Variants in PRKCE observed in about 807,000 individuals in gnomAD.
The protein encoded by PRKCE is protein kinase C epsilon.
A neutral mutation model predicts 85.4 loss-of-function variants in PRKCE; 16 were observed. That is an observed-to-expected ratio of 0.19 (90% CI 0.13 to 0.28). The LOEUF (loss-of-function observed/expected upper bound fraction) is 0.28, where lower values mean the gene tolerates loss of function less well. Among genes scored for constraint, PRKCE ranks in the 10% least tolerant of loss-of-function variants. The probability of loss-of-function intolerance (pLI) is 1.00; values close to 1 mark genes in which losing one functional copy is unlikely to be tolerated. For synonymous variants in PRKCE, 388 were observed against 371.5 expected (o/e 1.04, Z -0.51); for missense variants, 573 against 975.2 (o/e 0.59, Z 5.49).
At chr2:45,770,297 A>T (rs908147032) in intron 1 of PRKCE, among the ~76,000 whole-genome samples, 4 of 152,040 alleles carry the variant, frequency 2.6e-5, no homozygotes, top group African/African-American at 9.7e-5. Flanking sequence ...GTAGGTAAAA[A>T]CCATGCTTCC....
chr2:45,919,713 CCTT>C (rs1454249400), intron 2 of PRKCE, among the ~76,000 whole-genome samples: 1 of 152,200 alleles, frequency 6.6e-6, no homozygotes, highest in Non-Finnish European at 1.5e-5. Context: ...AAAATCTAGG[CCTT>C]CTTTGGCTCT....
chr2:45,668,755 G>A (rs1676026572), intron 1 of PRKCE, among the ~76,000 whole-genome samples: 3 of 152,056 alleles, frequency 2.0e-5, no homozygotes, highest in African/African-American at 7.2e-5. Context: ...AGTCACATTG[G>A]CCCTGCTTAT....
chr2:45,815,315 G>A (rs1026891584), intron 1 of PRKCE, among the ~76,000 whole-genome samples: 4 of 152,206 alleles, frequency 2.6e-5, no homozygotes, highest in African/African-American at 9.6e-5. Flanking sequence ...AAAGCAGTAT[G>A]TTCTTTGAGC....
intron 1 of PRKCE, among the ~76,000 whole-genome samples, chr2:45,832,664 G>A (rs979403789): frequency 1.3e-5 from 2 of 152,122 alleles, no homozygotes; most frequent in East Asian, 3.9e-4. Flanking sequence ...AGCTCACAAC[G>A]TGTTCTTTCT....
chr2:46,007,987 T>C (rs1275286571), intron 9 of PRKCE, among the ~76,000 whole-genome samples: 1 of 152,200 alleles, frequency 6.6e-6, no homozygotes, highest in Non-Finnish European at 1.5e-5. Flanking sequence ...AAATCAATAG[T>C]AGTGTCAATA....
At chr2:45,759,351 A>G (rs1684255696) in intron 1 of PRKCE, among the ~76,000 whole-genome samples, 1 of 152,154 alleles carries the variant, frequency 6.6e-6, no homozygotes, top group Admixed American at 6.5e-5. Flanking sequence ...GAGGCTGGAG[A>G]GGAGCTGACA....
chr2:45,829,822 C>T (rs1008554075), intron 1 of PRKCE, among the ~76,000 whole-genome samples: 9 of 151,944 alleles, frequency 5.9e-5, no homozygotes, highest in Non-Finnish European at 1.0e-4. Flanking sequence ...GCCTGTAATC[C>T]CAGCACTTTG....
intron 11 of PRKCE, among the ~76,000 whole-genome samples, chr2:46,105,860 C>G (rs748101928): frequency 2.0e-5 from 3 of 152,236 alleles, no homozygotes; most frequent in Non-Finnish European, 4.4e-5. Flanking sequence ...TGACTACATA[C>G]TGCATCATTA....
intron 2 of PRKCE, among the ~76,000 whole-genome samples, chr2:45,937,553 A>G (rs367674019): frequency 3.9e-5 from 6 of 152,280 alleles, no homozygotes; most frequent in South Asian, 2.1e-4. Context: ...TCCACTAAAA[A>G]TACAAAAAAA....
At chr2:46,110,024 C>A (rs1316318958) in intron 11 of PRKCE, among the ~76,000 whole-genome samples, 1 of 152,082 alleles carries the variant, frequency 6.6e-6, no homozygotes, top group Non-Finnish European at 1.5e-5. Flanking sequence ...GTTGAACCAG[C>A]CTTGCATACC....
chr2:45,725,011 G>A (rs954558756), intron 1 of PRKCE, among the ~76,000 whole-genome samples: 1 of 152,238 alleles, frequency 6.6e-6, no homozygotes, highest in South Asian at 2.1e-4. Context: ...ATTAGAAGTT[G>A]CTATCTAACA....
chr2:45,943,891 C>T (rs186236961), intron 2 of PRKCE, among the ~76,000 whole-genome samples: 125 of 152,258 alleles, frequency 8.2e-4, no homozygotes, highest in African/African-American at 2.9e-3. Flanking sequence ...AGATCATCAA[C>T]GCAGGATTGT....
chr2:46,068,824 T>C lies in PRKCE; in HGVS notation c.1438-17384T>C, dbSNP rs183700960. Among the ~76,000 whole-genome samples the C allele has an allele frequency of 5.4e-4, 83 of 152,302 alleles. No individual in the cohort carries two copies. The highest frequency in any genetic ancestry group is 9.4e-4 in the Non-Finnish European group (64 of 68,032). On this transcript the variant is annotated intron_variant, in intron 10 of 14. Transcript: ENST00000306156. This position sits in a 1 kb window ranked among gnomAD's most constrained non-coding sequence, Gnocchi z 4.3. The stretch of plus-strand genomic sequence containing the variant: ...TGATATTAAAAGAGATCAGCTCAAG[T>C]AGGGACTTGTGAGATACCAGATTGA...
chr2:45,926,538 C>G (rs1698634588), intron 2 of PRKCE, among the ~76,000 whole-genome samples: 1 of 152,188 alleles, frequency 6.6e-6, no homozygotes, highest in African/African-American at 2.4e-5. Flanking sequence ...CTCTTCCATA[C>G]AGGTCATCTT....
intron 1 of PRKCE, among the ~76,000 whole-genome samples, chr2:45,668,117 T>C (rs1244011743): frequency 2.6e-5 from 4 of 152,154 alleles, no homozygotes; most frequent in Non-Finnish European, 5.9e-5. Flanking sequence ...GAGGCGGTTG[T>C]ATCACTTGAG....
intron 11 of PRKCE, among the ~76,000 whole-genome samples, chr2:46,089,664 G>A (rs1458509191): frequency 6.6e-6 from 1 of 152,008 alleles, no homozygotes; most frequent in Non-Finnish European, 1.5e-5. Flanking sequence ...ACAGGCCGCG[G>A]GTTGGGGAAG....
intron 1 of PRKCE, among the ~76,000 whole-genome samples, chr2:45,816,898 T>G (rs1436641098): frequency 6.6e-6 from 1 of 152,208 alleles, no homozygotes; most frequent in Non-Finnish European, 1.5e-5. Context: ...AGAGACCCCC[T>G]GCTCGGGGGT....
At chr2:45,803,962 C>A (rs1688060137) in intron 1 of PRKCE, among the ~76,000 whole-genome samples, 1 of 152,172 alleles carries the variant, frequency 6.6e-6, no homozygotes. Flanking sequence ...CTTATCCCTG[C>A]CCCATCCAGG....
At chr2:45,657,763 G>C (rs1185853145) in intron 1 of PRKCE, among the ~76,000 whole-genome samples, 2 of 152,188 alleles carry the variant, frequency 1.3e-5, no homozygotes, top group Non-Finnish European at 2.9e-5. Flanking sequence ...TGGGAGATAG[G>C]CCTATACCCT....
Sources: allele counts gnomAD v4.1 joint callset (sites outside exome capture counted in the v4.1 genomes callset), GRCh38; gene constraint gnomAD v4.1.1; non-coding constraint Gnocchi (gnomAD v3.1); transcripts MANE v1.5; gene names NCBI Gene and HGNC (gene_info 2026-07-23, HGNC 2026-07-21).